The following NUDCD3 variants were observed in gnomAD, a reference collection of about 807,000 sequenced individuals.
NUDCD3 encodes the protein NudC domain containing 3, also known as nudC domain-containing protein 3.
A neutral mutation model predicts 39.7 loss-of-function variants in NUDCD3; 13 were observed. That is an observed-to-expected ratio of 0.33 (90% CI 0.21 to 0.52). NUDCD3 has a LOEUF of 0.52. Ranked by LOEUF, NUDCD3 falls within the 20% of genes least tolerant of loss-of-function variation. The pLI is 0.96. For synonymous variants in NUDCD3, 175 were observed against 172.4 expected, an observed-to-expected ratio of 1.02 and a Z score of -0.12; for missense variants, 453 against 458.1, an observed-to-expected ratio of 0.99 and a Z score of 0.10.
intron 2 of NUDCD3, among the ~76,000 whole-genome samples, chr7:44,462,756 G>A (rs1309533901): frequency 6.6e-6 from 1 of 152,176 alleles, no homozygotes; most frequent in African/African-American, 2.4e-5. Context: ...TTCTGAGCCT[G>A]TAACCTAACT....
At chr7:44,425,400 C>T (rs1799214878) in intron 3 of NUDCD3, among the ~76,000 whole-genome samples, 1 of 152,198 alleles carries the variant, frequency 6.6e-6, no homozygotes. Flanking sequence ...AACATGGATA[C>T]AGTTTCTGGC....
intron 2 of NUDCD3, chr7:44,467,828 A>AC: frequency 2.0e-6 from 2 of 1,009,760 alleles, no homozygotes; most frequent in East Asian, 8.3e-5. Flanking sequence ...AAAAAAAAAA[A>AC]AAAGAAAAGA....
In NUDCD3 at chr7:44,385,365, T is replaced by G. The variant is rs1482290584; in HGVS notation, c.*646A>C. Reference sequence around the variant, plus strand: ...TGCATCTGGACCTGAGCCCAGAACCTAGGCTTTCTCCGAACAACTAGAACG... The same window carrying G: ...TGCATCTGGACCTGAGCCCAGAACCGAGGCTTTCTCCGAACAACTAGAACG... On this transcript the variant is annotated 3_prime_UTR_variant, in exon 6 of 6. Transcript: ENST00000355451. The G allele has an allele frequency of 5.3e-5, 8 of 152,328 alleles. No individual in the cohort carries two copies. The highest frequency in any genetic ancestry group is 5.2e-4 in the Admixed American group (8 of 15,276). The allele number at this position is 152,328 out of a possible 1,614,324, so 9.4% of individuals were successfully genotyped here.
chr7:44,430,737 G>A (rs1446334116), intron 2 of NUDCD3, among the ~76,000 whole-genome samples: 1 of 152,138 alleles, frequency 6.6e-6, no homozygotes, highest in Non-Finnish European at 1.5e-5. Context: ...CCTTGGGGAC[G>A]CTGCCGCCAG....
At chr7:44,400,817 T>G (rs1798707716) in intron 4 of NUDCD3, among the ~76,000 whole-genome samples, 1 of 152,218 alleles carries the variant, frequency 6.6e-6, no homozygotes. Flanking sequence ...CTCCTGTTTC[T>G]TATAAAGACA....
intron 2 of NUDCD3, among the ~76,000 whole-genome samples, chr7:44,466,772 T>C (rs898906207): frequency 6.6e-6 from 1 of 152,180 alleles, no homozygotes; most frequent in Non-Finnish European, 1.5e-5. Context: ...AGCAGCAGAA[T>C]AGAAAGCTCT....
In NUDCD3 at chr7:44,490,489, T is replaced by C; in HGVS notation, c.112A>G (p.Thr38Ala). Residue 38 changes from threonine (T) to alanine (A), a missense_variant, in exon 1 of 6, where the codon ACA becomes GCA. By Grantham distance (58) the Thr-to-Ala change is moderately conservative. Transcript: ENST00000355451. ...RVLFGFLYRK[T>A]DFYRLLRHPS... The stretch of plus-strand genomic sequence containing the variant: ...TGGCGCAGCAAGCGATAGAAGTCTG[T>C]CTTGCGGTAGAGGAAGCCAAAGAGA... 1 of 1,609,706 alleles carries C rather than the reference T, an allele frequency of 6.2e-7. No individual in the cohort carries two copies. The highest frequency in any genetic ancestry group is 8.5e-7 in the Non-Finnish European group (1 of 1,178,266).
At chr7:44,432,548 A>G (rs1188914179) in intron 2 of NUDCD3, among the ~76,000 whole-genome samples, 6 of 152,210 alleles carry the variant, frequency 3.9e-5, no homozygotes, top group Non-Finnish European at 7.3e-5. Context: ...TCCAAAGCGG[A>G]GGTGTTTGCA....
At chr7:44,445,387 T>C (rs1799673237) in intron 2 of NUDCD3, among the ~76,000 whole-genome samples, 1 of 152,218 alleles carries the variant, frequency 6.6e-6, no homozygotes, top group Non-Finnish European at 1.5e-5. Flanking sequence ...ATGCACAGTG[T>C]GGTCCCTGCC....
At chr7:44,410,429 G>C (rs543043452) in intron 3 of NUDCD3, among the ~76,000 whole-genome samples, 2 of 152,100 alleles carry the variant, frequency 1.3e-5, no homozygotes, top group African/African-American at 4.8e-5. Flanking sequence ...TTGGGAGGCC[G>C]AGGTGGGTGG....
intron 3 of NUDCD3, among the ~76,000 whole-genome samples, chr7:44,410,951 C>A (rs938909726): frequency 4.6e-5 from 7 of 152,138 alleles, no homozygotes; most frequent in East Asian, 3.9e-4. Flanking sequence ...GGCAACAGAG[C>A]GAGACTCTAT....
At chr7:44,489,181 T>G (rs1307782860) in intron 1 of NUDCD3, among the ~76,000 whole-genome samples, 1 of 152,228 alleles carries the variant, frequency 6.6e-6, no homozygotes, top group African/African-American at 2.4e-5. Context: ...AACTTGAAAC[T>G]TATCTGTTTC....
At chr7:44,452,263 C>T (rs1364061933) in intron 2 of NUDCD3, among the ~76,000 whole-genome samples, 1 of 152,176 alleles carries the variant, frequency 6.6e-6, no homozygotes, top group South Asian at 2.1e-4. Flanking sequence ...GCCAACATGG[C>T]GAAAACCCAC....
chr7:44,398,141 G>A (rs1469306830), intron 4 of NUDCD3, among the ~76,000 whole-genome samples: 2 of 152,104 alleles, frequency 1.3e-5, no homozygotes, highest in Non-Finnish European at 2.9e-5. Flanking sequence ...ACCCTGCCCC[G>A]CATAGCATCT....
At chr7:44,395,763 CTTT>C (rs1312293407) in intron 4 of NUDCD3, among the ~76,000 whole-genome samples, 1 of 152,202 alleles carries the variant, frequency 6.6e-6, no homozygotes, top group Non-Finnish European at 1.5e-5. Flanking sequence ...AACTCCATTC[CTTT>C]TTAAGGTTGA....
chr7:44,466,393 GGTTTATTGCTT>G (rs1201182872), intron 2 of NUDCD3, among the ~76,000 whole-genome samples: 3 of 152,076 alleles, frequency 2.0e-5, no homozygotes, highest in Non-Finnish European at 4.4e-5. Context: ...ATGTACATGG[GGTTTATTGCTT>G]GTTTTCCTTG....
chr7:44,483,088 A>ATG (rs1554496630), intron 2 of NUDCD3, among the ~76,000 whole-genome samples: 3 of 151,278 alleles, frequency 2.0e-5, no homozygotes, highest in East Asian at 3.9e-4. Flanking sequence ...GTGTGTGTGT[A>ATG]TGTGTGTGTG....
intron 2 of NUDCD3, among the ~76,000 whole-genome samples, chr7:44,483,440 G>C (rs893105661): frequency 6.6e-6 from 1 of 152,318 alleles, no homozygotes; most frequent in African/African-American, 2.4e-5. Context: ...ACTATCAGCA[G>C]ATCTGCACTA....
chr7:44,466,833 G>C (rs1800128177), intron 2 of NUDCD3, among the ~76,000 whole-genome samples: 1 of 152,202 alleles, frequency 6.6e-6, no homozygotes, highest in Non-Finnish European at 1.5e-5. Flanking sequence ...GGGAGAAAGT[G>C]TGCAAACACC....
Sources: gnomAD v4.1 joint callset for allele counts (sites outside exome capture counted in the v4.1 genomes callset) on GRCh38, gnomAD v4.1.1 for gene constraint, MANE v1.5 for transcripts, NCBI Gene and HGNC (gene_info 2026-07-23, HGNC 2026-07-21) for gene names.